ADCK1: variants seen among roughly 807,000 people sequenced by gnomAD.
ADCK1 encodes aarF domain-containing protein kinase 1.
A neutral mutation model predicts 52.3 loss-of-function variants in ADCK1; 41 were observed. That is an observed-to-expected ratio of 0.78 (90% CI 0.61 to 1.02). The LOEUF is 1.02. Ranked by LOEUF, ADCK1 falls within the 50% of genes least tolerant of loss-of-function variation. The pLI, the probability that ADCK1 is intolerant of heterozygous loss-of-function variation, is 0.00. For missense variants in ADCK1, 658 were observed against 679.5 expected, an observed-to-expected ratio of 0.97 and a Z score of 0.35; for synonymous variants, 250 against 274.6, an observed-to-expected ratio of 0.91 and a Z score of 0.89.
At chr14:77,832,170 A>G (rs1441334036) in intron 3 of ADCK1, among the ~76,000 whole-genome samples, 29 of 151,894 alleles carry the variant, frequency 1.9e-4, no homozygotes, top group Admixed American at 1.9e-3. Flanking sequence ...TAGAGACAGG[A>G]TTTCACCGTA....
At chr14:77,809,191 A>C (rs1432359614) in intron 1 of ADCK1, among the ~76,000 whole-genome samples, 1 of 152,126 alleles carries the variant, frequency 6.6e-6, no homozygotes, top group East Asian at 1.9e-4. Context: ...GTATGAATAC[A>C]CTTGAGGATG....
intron 1 of ADCK1, among the ~76,000 whole-genome samples, chr14:77,816,382 A>C (rs1048670971): frequency 6.6e-6 from 1 of 151,516 alleles, no homozygotes; most frequent in Non-Finnish European, 1.5e-5. Context: ...CCCTCCTCTC[A>C]CCTGCCCCAA....
chr14:77,822,635 C>G, intron 3 of ADCK1, 117 bp downstream of exon 3: 1 of 860,304 alleles, frequency 1.2e-6, no homozygotes, highest in Non-Finnish European at 1.9e-6. Flanking sequence ...AAGGCATGAG[C>G]CACTGTGCCC....
chr14:77,837,115 C>T (rs538917974), intron 3 of ADCK1, among the ~76,000 whole-genome samples: 1 of 151,720 alleles, frequency 6.6e-6, no homozygotes, highest in African/African-American at 2.4e-5. Flanking sequence ...GATTTAGGGT[C>T]CACCTGGGCA....
Position 77,875,494 on chromosome 14 carries a change from A to G in ADCK1, c.424-11597A>G, listed in dbSNP as rs1594990586. Among the ~76,000 whole-genome samples the G allele has an allele frequency of 2.0e-5, 3 of 152,206 alleles. No individual in the cohort carries two copies. In the Middle Eastern group the frequency reaches 0.01, roughly 518 times the overall value. ...GGTCCCTGGTTTCTAGATATTAAAA[A>G]AAAAAGAAAACTCCTTAGCACCCTG... On this transcript the variant is annotated intron_variant, in intron 4 of 10. Coordinates refer to ENST00000238561, the MANE Select transcript of ADCK1 (RefSeq NM_020421.4).
chr14:77,864,675 A>G (rs2082625827), intron 4 of ADCK1, among the ~76,000 whole-genome samples: 1 of 151,176 alleles, frequency 6.6e-6, no homozygotes, highest in Admixed American at 6.6e-5. Context: ...GTGTTTGTGC[A>G]TGCATGTTTG....
chr14:77,872,971 C>T (rs117988507), intron 4 of ADCK1, among the ~76,000 whole-genome samples: 5,009 of 152,214 alleles, frequency 0.033, 148 homozygotes, highest in South Asian at 0.12. Flanking sequence ...CCACTGTGCC[C>T]GGCCTCCCCA....
chr14:77,834,944 C>G (rs2081930650), intron 3 of ADCK1, among the ~76,000 whole-genome samples: 2 of 152,222 alleles, frequency 1.3e-5, no homozygotes, highest in African/African-American at 2.4e-5. Flanking sequence ...CTATCCCAGA[C>G]CAACCCAGGC....
intron 4 of ADCK1, among the ~76,000 whole-genome samples, chr14:77,880,867 A>G (rs943471796): frequency 1.3e-5 from 2 of 152,236 alleles, no homozygotes; most frequent in Admixed American, 6.5e-5. Flanking sequence ...GGTTCCTGTC[A>G]TATGATGGTC....
At chr14:77,852,162 C>G (rs1304958349) in intron 3 of ADCK1, among the ~76,000 whole-genome samples, 1 of 152,064 alleles carries the variant, frequency 6.6e-6, no homozygotes, top group African/African-American at 2.4e-5. Context: ...CCACGCCTGG[C>G]TAATTTTTAT....
chr14:77,810,823 G>T (rs1011174522), intron 1 of ADCK1, among the ~76,000 whole-genome samples: 1 of 152,172 alleles, frequency 6.6e-6, no homozygotes, highest in Admixed American at 6.5e-5. Context: ...GAGCCTCCGT[G>T]CCCGGCAAGG....
chr14:77,859,220 G>C lies in ADCK1; in HGVS notation c.364G>C (p.Ala122Pro). The C allele has an allele frequency of 6.2e-7, 1 of 1,614,006 alleles. No homozygotes were observed. The highest frequency in any genetic ancestry group is 2.2e-5 in the East Asian group (1 of 44,870). Residue 122 changes from alanine (A) to proline (P), a missense_variant, in exon 4 of 11, where the codon GCT becomes CCT. Coordinates refer to ENST00000238561, the MANE Select transcript of ADCK1 (RefSeq NM_020421.4). ...CACGCTGAAGGTACTGCACAGCCAG[G>C]CTCCACAGAGCAGCATGCAAGAGAT... ...TSTLKVLHSQ[A>P]PQSSMQEIRQ...
At chr14:77,889,999 A>G (rs112043576) in intron 5 of ADCK1, among the ~76,000 whole-genome samples, 297 of 152,288 alleles carry the variant, frequency 2.0e-3, no homozygotes, top group Admixed American at 3.3e-3. Flanking sequence ...CTAAGAAAGC[A>G]TGGTCAGAGA....
chr14:77,901,581 G>A (rs958162537), intron 6 of ADCK1, among the ~76,000 whole-genome samples: 1 of 151,844 alleles, frequency 6.6e-6, no homozygotes, highest in African/African-American at 2.4e-5. Flanking sequence ...GTAGAGACAC[G>A]GTTTTGCCAT....
chr14:77,807,067 CTT>C (rs36088814), intron 1 of ADCK1, among the ~76,000 whole-genome samples: 1 of 83,204 alleles, frequency 1.2e-5, no homozygotes, highest in Non-Finnish European at 2.0e-5. Context: ...GAGACAGAGT[CTT>C]TTTTTTTTTT....
chr14:77,822,845 C>G (rs577451816), intron 3 of ADCK1, among the ~76,000 whole-genome samples: 7 of 152,120 alleles, frequency 4.6e-5, no homozygotes, highest in Non-Finnish European at 7.3e-5. Flanking sequence ...AGACTGTCAT[C>G]AAGCTGGATG....
At chr14:77,820,221 C>G (rs1055314664) in intron 2 of ADCK1, among the ~76,000 whole-genome samples, 4 of 151,950 alleles carry the variant, frequency 2.6e-5, no homozygotes, top group African/African-American at 4.8e-5. Flanking sequence ...TTCAGATGCC[C>G]GCTACTATGT....
chr14:77,904,998 A>T (rs977031474), intron 6 of ADCK1, among the ~76,000 whole-genome samples: 1 of 152,110 alleles, frequency 6.6e-6, no homozygotes, highest in Admixed American at 6.5e-5. Flanking sequence ...GGCGCAGCTC[A>T]CTTTTTTAAC....
intron 1 of ADCK1, among the ~76,000 whole-genome samples, chr14:77,802,746 C>T (rs182596421): frequency 0.021 from 3,183 of 151,874 alleles, 104 homozygotes; most frequent in African/African-American, 0.071. Flanking sequence ...GTCAGGAGAT[C>T]GAGACCATCC....
Sources: gnomAD v4.1 joint callset for allele counts (sites outside exome capture counted in the v4.1 genomes callset) on GRCh38, gnomAD v4.1.1 for gene constraint, MANE v1.5 for transcripts, NCBI Gene and HGNC (gene_info 2026-07-23, HGNC 2026-07-21) for gene names.